Variants in CADM2 observed in about 807,000 individuals in gnomAD.
CADM2 encodes the protein immunoglobulin superfamily member 4D.
CADM2 carries 12 observed loss-of-function variants against 49.8 expected under a neutral mutation model. The observed-to-expected ratio is 0.24, with a 90% CI of 0.15 to 0.39. The LOEUF is 0.39. Ranked by LOEUF, CADM2 falls within the 10% of genes least tolerant of loss-of-function variation. The pLI, the probability that CADM2 is intolerant of heterozygous loss-of-function variation, is 1.00. For synonymous variants in CADM2, 214 were observed against 175.4 expected (o/e 1.22, Z -1.74); for missense variants, 378 against 492.3 (o/e 0.77, Z 2.20).
chr3:84,988,032 G>GAAAAC (rs747589870), intron 1 of CADM2, among the ~76,000 whole-genome samples: 12 of 152,128 alleles, frequency 7.9e-5, no homozygotes, highest in Non-Finnish European at 1.3e-4. Context: ...CAGACATGGA[G>GAAAAC]AAAACAAAAC....
intron 1 of CADM2, among the ~76,000 whole-genome samples, chr3:85,019,842 A>G (rs2034419161): frequency 6.6e-6 from 1 of 152,144 alleles, no homozygotes; most frequent in Non-Finnish European, 1.5e-5. Flanking sequence ...CAAGTTCAGA[A>G]TTTGAGATTC....
intron 1 of CADM2, among the ~76,000 whole-genome samples, chr3:84,994,617 G>A (rs1188008467): frequency 6.6e-6 from 1 of 151,984 alleles, no homozygotes; most frequent in East Asian, 1.9e-4. Flanking sequence ...GTCATTTCCT[G>A]TTTTCTTACC....
intron 6 of CADM2, among the ~76,000 whole-genome samples, chr3:85,933,124 G>A (rs536954299): frequency 6.6e-6 from 1 of 152,186 alleles, no homozygotes; most frequent in African/African-American, 2.4e-5. Context: ...GCAGATCCTG[G>A]TGGTGACCTT....
intron 2 of CADM2, among the ~76,000 whole-genome samples, chr3:85,790,486 T>G (rs911477126): frequency 6.6e-6 from 1 of 152,092 alleles, no homozygotes; most frequent in African/African-American, 2.4e-5. Context: ...GAGGTAAAAT[T>G]TCTACAGGAG....
Position 85,017,876 on chromosome 3 carries a change from A to G in CADM2, c.61+58208A>G, listed in dbSNP as rs143006338. ...ATGACCCGAGTCAAAGATCAATGAAATATAGAGATAGAACCATCATTTGGA... is the reference window on the plus strand; with the variant it reads ...ATGACCCGAGTCAAAGATCAATGAAGTATAGAGATAGAACCATCATTTGGA... On this transcript the variant is annotated intron_variant, in intron 1 of 9. Coordinates refer to ENST00000383699, the MANE Select transcript of CADM2 (RefSeq NM_001167675.2). 6.1e-3 allele frequency among the ~76,000 whole-genome samples: 928 copies of G among 152,278 alleles called. 15 individuals are homozygous for G. Among genetic ancestry groups the G allele is most frequent in the African/African-American group, 0.021 (888 of 41,560 alleles).
At chr3:85,322,029 C>T (rs925338807) in intron 1 of CADM2, among the ~76,000 whole-genome samples, 1 of 152,086 alleles carries the variant, frequency 6.6e-6, no homozygotes, top group Non-Finnish European at 1.5e-5. Flanking sequence ...GGCAAAACAC[C>T]AAACATTTTG....
intron 1 of CADM2, among the ~76,000 whole-genome samples, chr3:85,706,150 A>G (rs1331305739): frequency 6.6e-6 from 1 of 152,156 alleles, no homozygotes; most frequent in Admixed American, 6.5e-5. Context: ...TTTCTGATTC[A>G]TTGTGTCTAT....
intron 5 of CADM2, among the ~76,000 whole-genome samples, chr3:85,901,502 T>G (rs1160861499): frequency 6.6e-6 from 1 of 152,184 alleles, no homozygotes; most frequent in Non-Finnish European, 1.5e-5. Context: ...TCTTCCAAGG[T>G]AATCTTCCAA....
chr3:85,619,521 C>A (rs1326368062), intron 1 of CADM2, among the ~76,000 whole-genome samples: 1 of 152,024 alleles, frequency 6.6e-6, no homozygotes, highest in Admixed American at 6.6e-5. Context: ...GATACATCAC[C>A]TTCCACTTGC....
At chr3:85,374,947 C>T (rs2033497819) in intron 1 of CADM2, among the ~76,000 whole-genome samples, 1 of 151,998 alleles carries the variant, frequency 6.6e-6, no homozygotes, top group African/African-American at 2.4e-5. Flanking sequence ...CCTATTTCTA[C>T]TTCATTACTT....
chr3:85,715,888 C>G (rs996424215), intron 1 of CADM2, among the ~76,000 whole-genome samples: 1 of 152,160 alleles, frequency 6.6e-6, no homozygotes, highest in Non-Finnish European at 1.5e-5. Flanking sequence ...GCCACAATTT[C>G]TTTATCCAGT....
chr3:85,568,461 TTCTCTTTCTCTCTC>T (rs779484522), intron 1 of CADM2, among the ~76,000 whole-genome samples: 5 of 15,222 alleles, frequency 3.3e-4, no homozygotes, highest in African/African-American at 7.3e-4. Flanking sequence ...CTTTCTTTCT[TTCTCTTTCTCTCTC>T]TTTCTTTCTT....
chr3:85,347,961 C>A (rs1225894218), intron 1 of CADM2, among the ~76,000 whole-genome samples: 1 of 152,054 alleles, frequency 6.6e-6, no homozygotes, highest in African/African-American at 2.4e-5. Flanking sequence ...GCGCCCACCA[C>A]TGCGCCTGGC....
chr3:85,579,372 T>G (rs1233341109), intron 1 of CADM2, among the ~76,000 whole-genome samples: 1 of 152,140 alleles, frequency 6.6e-6, no homozygotes, highest in Non-Finnish European at 1.5e-5. Context: ...GGTCTCACAA[T>G]CACTGCCTAG....
chr3:85,023,923 G>A (rs1471292711), intron 1 of CADM2, among the ~76,000 whole-genome samples: 1 of 151,832 alleles, frequency 6.6e-6, no homozygotes, highest in Non-Finnish European at 1.5e-5. Context: ...GATAAGTTTG[G>A]GATTTGCTTC....
intron 8 of CADM2, among the ~76,000 whole-genome samples, chr3:86,041,370 T>A (rs1350750305): frequency 1.3e-5 from 2 of 151,804 alleles, no homozygotes; most frequent in African/African-American, 4.8e-5. Flanking sequence ...AGGCTCAAAA[T>A]AAAAGGATGG....
At chr3:85,470,948 T>G (rs2107608807) in intron 1 of CADM2, among the ~76,000 whole-genome samples, 1 of 152,302 alleles carries the variant, frequency 6.6e-6, no homozygotes, top group South Asian at 2.1e-4. Context: ...TAAAATAACT[T>G]GAAAATACAG....
At chr3:86,037,287 T>C (rs1735284824) in intron 8 of CADM2, among the ~76,000 whole-genome samples, 5 of 152,212 alleles carry the variant, frequency 3.3e-5, no homozygotes. Flanking sequence ...TGTCAACGCT[T>C]AACATAAAAT....
chr3:84,961,612 G>C (rs1247930487), intron 1 of CADM2, among the ~76,000 whole-genome samples: 2 of 151,828 alleles, frequency 1.3e-5, no homozygotes, highest in Non-Finnish European at 2.9e-5. Context: ...CAGCTCTGCT[G>C]TGTGTGTGTG....
Sources: allele counts gnomAD v4.1 joint callset (sites outside exome capture counted in the v4.1 genomes callset), GRCh38; gene constraint gnomAD v4.1.1; transcripts MANE v1.5; gene names NCBI Gene and HGNC (gene_info 2026-07-23, HGNC 2026-07-21).